The following ANO1 variants were observed in gnomAD, a reference collection of about 807,000 sequenced individuals.
ANO1 encodes the protein anoctamin-1.
A neutral mutation model predicts 124.0 loss-of-function variants in ANO1; 59 were observed. The ratio of observed to expected loss-of-function variants is 0.48; its 90% CI spans 0.39 to 0.59. The LOEUF (loss-of-function observed/expected upper bound fraction) is 0.59. ANO1 is among the 20% of genes least tolerant of loss of function. The pLI is 0.00. For missense variants in ANO1, 1,059 were observed against 1,328.0 expected (o/e 0.80, Z 3.15); for synonymous variants, 529 against 532.0 (o/e 0.99, Z 0.08).
intron 1 of ANO1, chr11:70,015,336 C>A (rs782729132): frequency 6.7e-6 from 1 of 149,840 alleles, no homozygotes; most frequent in Non-Finnish European, 1.5e-5. Context: ...CTACTCTGTG[C>A]AGGGCAATTT....
chr11:70,155,352 G>T (rs1328373594), intron 14 of ANO1, among the ~76,000 whole-genome samples: 4 of 152,200 alleles, frequency 2.6e-5, no homozygotes, highest in African/African-American at 9.7e-5. Flanking sequence ...AGGCATGGGG[G>T]TTTACTTTTG....
chr11:69,987,604 C>CAAAAAAAAAAAAAAAAAAAA (rs202001305), intron 1 of ANO1, among the ~76,000 whole-genome samples: 1 of 109,738 alleles, frequency 9.1e-6, no homozygotes, highest in African/African-American at 4.3e-5. Flanking sequence ...GACCATGTCT[C>CAAAAAAAAAAAAAAAAAAAA]AAAAAAAAAA....
chr11:70,181,290 G>C (rs2048919774), intron 23 of ANO1, among the ~76,000 whole-genome samples: 1 of 152,198 alleles, frequency 6.6e-6, no homozygotes, highest in South Asian at 2.1e-4. Flanking sequence ...CCAAGTCAGG[G>C]TCTCAGCAGG....
the ANO1 span, among the ~76,000 whole-genome samples, chr11:69,967,980 G>A: frequency 1.3e-5 from 2 of 152,262 alleles, no homozygotes; most frequent in Admixed American, 1.3e-4. Flanking sequence ...CATTGATCTT[G>A]TCTTACAGGG....
intron 13 of ANO1, among the ~76,000 whole-genome samples, chr11:70,152,710 C>T (rs117149480): frequency 7.9e-5 from 12 of 152,362 alleles, no homozygotes; most frequent in Middle Eastern, 3.4e-3. Flanking sequence ...ACAGTTACTG[C>T]GTCTCTTCTG....
chr11:70,064,259 A>G (rs1304780402), intron 1 of ANO1: 2 of 152,198 alleles, frequency 1.3e-5, no homozygotes, highest in Non-Finnish European at 2.9e-5. Flanking sequence ...GAAGAGCCCC[A>G]GGTCTCTTCT....
intron 2 of ANO1, among the ~76,000 whole-genome samples, chr11:70,097,430 C>T (rs1294967569): frequency 6.6e-6 from 1 of 152,218 alleles, no homozygotes; most frequent in East Asian, 1.9e-4. Context: ...ACGTGATCAG[C>T]AGTAACTGTG....
At chr11:70,160,302 G>A (rs927494258) in intron 16 of ANO1, among the ~76,000 whole-genome samples, 7 of 151,962 alleles carry the variant, frequency 4.6e-5, no homozygotes, top group African/African-American at 7.3e-5. Context: ...CCCAGCCCTC[G>A]GTCCATCCAT....
At chr11:70,179,790 G>C (rs2048865154) in intron 22 of ANO1, among the ~76,000 whole-genome samples, 1 of 152,176 alleles carries the variant, frequency 6.6e-6, no homozygotes, top group Non-Finnish European at 1.5e-5. Flanking sequence ...TTAGAAGCTG[G>C]TGAGCTTGTC....
intron 1 of ANO1, among the ~76,000 whole-genome samples, chr11:70,055,619 C>A (rs540312932): frequency 1.1e-4 from 16 of 152,032 alleles, no homozygotes; most frequent in African/African-American, 3.6e-4. Context: ...AAAATTCAGT[C>A]TGATAACTTT....
At chr11:70,049,054 G>A (rs2135076480) in intron 1 of ANO1, among the ~76,000 whole-genome samples, 1 of 152,250 alleles carries the variant, frequency 6.6e-6, no homozygotes, top group Admixed American at 6.5e-5. Context: ...TGCCAATGAT[G>A]CTGGCCCCTG....
intron 5 of ANO1, among the ~76,000 whole-genome samples, chr11:70,107,158 C>G (rs2045580488): frequency 6.6e-6 from 1 of 152,080 alleles, no homozygotes; most frequent in South Asian, 2.1e-4. Flanking sequence ...GGGGAGGGAG[C>G]CATTGAGAAC....
chr11:70,087,821 C>T lies in ANO1; in HGVS notation c.178C>T (p.Arg60Cys), dbSNP rs745349685. ...TGGCCTGTACTTCAGGGACGGCCGGCGCAAGGTGGACTACATCCTGGTGTA... is the reference window on the plus strand; with the variant it reads ...TGGCCTGTACTTCAGGGACGGCCGGTGCAAGGTGGACTACATCCTGGTGTA... ...KYGLYFRDGR[R>C]KVDYILVYHH... Residue 60 changes from arginine to cysteine, a missense_variant, in exon 2 of 26, where the codon CGC becomes TGC. By Grantham distance (180) the Arg-to-Cys change is radical (BLOSUM62 -3). Coordinates refer to ENST00000355303, the MANE Select transcript of ANO1 (RefSeq NM_018043.7). 8.9e-5 allele frequency: 144 copies of T among 1,612,902 alleles called. No individual in the cohort carries two copies. In the Admixed American group the frequency reaches 2.3e-3, roughly 25 times the overall value.
chr11:70,187,252 C>A (rs1358924177), intron 25 of ANO1, among the ~76,000 whole-genome samples: 2 of 152,260 alleles, frequency 1.3e-5, no homozygotes, highest in Non-Finnish European at 1.5e-5. Flanking sequence ...GTTCAGCAAA[C>A]AAGAAGATTC....
At chr11:70,044,691 T>A (rs1555005389) in intron 1 of ANO1, among the ~76,000 whole-genome samples, 2 of 152,176 alleles carry the variant, frequency 1.3e-5, no homozygotes, top group African/African-American at 4.8e-5. Context: ...TCATGAAGTA[T>A]CTCCTCATCA....
chr11:70,026,357 ATGG>A (rs1295049443), intron 1 of ANO1, among the ~76,000 whole-genome samples: 1 of 149,586 alleles, frequency 6.7e-6, no homozygotes, highest in African/African-American at 2.5e-5. Context: ...GGTGACGGTG[ATGG>A]TGGTGGTGGT....
chr11:70,077,374 G>A (rs2044075454), upstream of ANO1, among the ~76,000 whole-genome samples: 1 of 152,224 alleles, frequency 6.6e-6, no homozygotes, highest in African/African-American at 2.4e-5. Flanking sequence ...GATGCACACC[G>A]TGAAGAACTC....
At chr11:69,970,005 T>C in the ANO1 span, among the ~76,000 whole-genome samples, 1 of 152,052 alleles carries the variant, frequency 6.6e-6, no homozygotes, top group Admixed American at 6.5e-5. Flanking sequence ...ATGGCCAGGA[T>C]GAACTGTGTC....
At chr11:70,130,789 G>A (rs2046723870) in intron 10 of ANO1, among the ~76,000 whole-genome samples, 1 of 152,212 alleles carries the variant, frequency 6.6e-6, no homozygotes, top group Admixed American at 6.5e-5. Flanking sequence ...GGCTTCCCGA[G>A]TGAGCCTACA....
Sources: allele counts gnomAD v4.1 joint callset (sites outside exome capture counted in the v4.1 genomes callset), GRCh38; gene constraint gnomAD v4.1.1; transcripts MANE v1.5; gene names NCBI Gene and HGNC (gene_info 2026-07-23, HGNC 2026-07-21).